Variants in SUCLG2 observed in about 807,000 individuals in gnomAD.
SUCLG2 encodes the protein succinate--CoA ligase [GDP-forming] subunit beta, mitochondrial.
Under a neutral mutation model 47.9 loss-of-function variants are expected in SUCLG2, and 42 were observed. The ratio of observed to expected loss-of-function variants is 0.88; its 90% CI spans 0.69 to 1.14. The LOEUF (loss-of-function observed/expected upper bound fraction) is 1.14. Among genes scored for constraint, SUCLG2 ranks in the 50% most tolerant of loss-of-function variants. The pLI, the probability that SUCLG2 is intolerant of heterozygous loss-of-function variation, is 0.00. For synonymous variants in SUCLG2, 195 were observed against 197.3 expected, an observed-to-expected ratio of 0.99 and a Z score of 0.10; for missense variants, 571 against 525.9, an observed-to-expected ratio of 1.09 and a Z score of -0.84.
intron 9 of SUCLG2, among the ~76,000 whole-genome samples, chr3:67,438,154 C>G (rs1703669669): frequency 1.3e-5 from 2 of 152,136 alleles, no homozygotes; most frequent in Non-Finnish European, 2.9e-5. Flanking sequence ...GAAATTAAGG[C>G]AGAAATAAAT....
At chr3:67,420,040 A>C (rs1703120505) in intron 9 of SUCLG2, among the ~76,000 whole-genome samples, 1 of 152,242 alleles carries the variant, frequency 6.6e-6, no homozygotes, top group South Asian at 2.1e-4. Context: ...TGATATGGGC[A>C]GCAGCACCCA....
At chr3:67,521,298 C>T (rs766380791) in intron 4 of SUCLG2, among the ~76,000 whole-genome samples, 5 of 152,134 alleles carry the variant, frequency 3.3e-5, no homozygotes, top group Admixed American at 6.5e-5. Flanking sequence ...CAGGAACCTC[C>T]GTGATAACTA....
intron 9 of SUCLG2, among the ~76,000 whole-genome samples, chr3:67,420,455 A>G (rs1475193525): frequency 1.3e-5 from 2 of 152,252 alleles, no homozygotes; most frequent in Non-Finnish European, 2.9e-5. Context: ...TAAGGGAAAG[A>G]ATGAAAAACA....
At chr3:67,592,757 T>C (rs116583110) in intron 2 of SUCLG2, among the ~76,000 whole-genome samples, 1 of 133,550 alleles carries the variant, frequency 7.5e-6, no homozygotes, top group Admixed American at 7.3e-5. Flanking sequence ...AAACTGAATA[T>C]CAAAGCCACA....
intron 7 of SUCLG2, among the ~76,000 whole-genome samples, chr3:67,504,564 A>T (rs768027354): frequency 1.5e-4 from 23 of 152,172 alleles, no homozygotes; most frequent in African/African-American, 5.3e-4. Flanking sequence ...AAGAATTCTT[A>T]ATCTCTAGAC....
At chr3:67,446,417 ATTTT>A (rs750956324) in intron 9 of SUCLG2, among the ~76,000 whole-genome samples, 364 of 32,084 alleles carry the variant, frequency 0.011, 7 homozygotes, top group Non-Finnish European at 0.014. Flanking sequence ...ACATATGTAC[ATTTT>A]TTTTTTTTTT....
chr3:67,545,055 C>G (rs936271681), intron 2 of SUCLG2, among the ~76,000 whole-genome samples: 4 of 152,080 alleles, frequency 2.6e-5, no homozygotes, highest in African/African-American at 9.7e-5. Flanking sequence ...GATAAAACAG[C>G]CCCCAGCCAG....
chr3:67,408,612 G>A (rs1575676569), intron 9 of SUCLG2: 1 of 1,006,336 alleles, frequency 9.9e-7, no homozygotes, highest in Non-Finnish European at 1.2e-6. Context: ...AGGGAAATGG[G>A]TCTAATTAGA....
intron 9 of SUCLG2, among the ~76,000 whole-genome samples, chr3:67,457,978 T>C (rs370673001): frequency 6.6e-6 from 1 of 152,166 alleles, no homozygotes; most frequent in Non-Finnish European, 1.5e-5. Flanking sequence ...GGCCAATGCC[T>C]TGAGAAGGCT....
In SUCLG2 at chr3:67,565,497, T is replaced by C. The variant is rs1436542843; in HGVS notation, c.227-36311A>G. On this transcript the variant is annotated intron_variant, in intron 2 of 10. Transcript: ENST00000307227. ...AAAAATTAAAAACTAACCTATTTCA[T>C]TGGCCACTGGCTTAAGTACAAACTG... 3.3e-5 allele frequency among the ~76,000 whole-genome samples: 5 copies of C among 152,208 alleles called. No homozygotes were observed. The East Asian group carries it at 5.8e-4, about 18-fold the overall frequency.
rs975150904 is a variant in SUCLG2 at position 67,495,845 on chromosome 3, C to G, written c.1015G>C (p.Glu339Gln). The change falls in exon 9 of 11, where the codon GAA becomes CAA. Residue 339 changes from glutamate to glutamine, a missense_variant. Physicochemically the swap from Glu to Gln is conservative, Grantham distance 29. Transcript: ENST00000307227. Reference sequence around the variant, plus strand: ...TTGAATGCTTGATATACTTGAGCTTCCTTTACACCACCTCCAAGATCCAAG... The same window carrying G: ...TTGAATGCTTGATATACTTGAGCTTGCTTTACACCACCTCCAAGATCCAAG... ...NFLDLGGGVK[E>Q]AQVYQAFKLL... is the part of the protein sequence containing the mutation. The G allele has an allele frequency of 5.0e-6, 8 of 1,613,930 alleles. No individual in the cohort carries two copies. Among genetic ancestry groups the G allele is most frequent in the Non-Finnish European group, 6.8e-6 (8 of 1,179,978 alleles).
intron 9 of SUCLG2, among the ~76,000 whole-genome samples, chr3:67,433,886 G>A (rs1247489175): frequency 6.6e-6 from 1 of 151,460 alleles, no homozygotes; most frequent in Non-Finnish European, 1.5e-5. Context: ...CTTTTTAACT[G>A]TTTTCTTGCT....
At chr3:67,511,243 A>G (rs147070177) in intron 6 of SUCLG2, among the ~76,000 whole-genome samples, 187 of 152,320 alleles carry the variant, frequency 1.2e-3, no homozygotes, top group Admixed American at 2.2e-3. Context: ...AGTGAAAATT[A>G]TCAGAGACAC....
intron 2 of SUCLG2, among the ~76,000 whole-genome samples, chr3:67,553,538 A>G (rs1707073217): frequency 6.6e-6 from 1 of 152,204 alleles, no homozygotes; most frequent in Non-Finnish European, 1.5e-5. Context: ...TTAAGTAATC[A>G]GTATCATTTA....
At chr3:67,422,348 G>A (rs1388781750) in intron 9 of SUCLG2, among the ~76,000 whole-genome samples, 4 of 150,986 alleles carry the variant, frequency 2.6e-5, no homozygotes, top group African/African-American at 4.9e-5. Context: ...GGTGGTGTGC[G>A]CCTGTAGCCC....
At chr3:67,395,723 T>G (rs1702508961) in intron 10 of SUCLG2, among the ~76,000 whole-genome samples, 1 of 152,202 alleles carries the variant, frequency 6.6e-6, no homozygotes, top group Admixed American at 6.5e-5. Flanking sequence ...TATACATTTT[T>G]TTCAGCACCA....
At chr3:67,435,283 A>C (rs536563038) in intron 9 of SUCLG2, among the ~76,000 whole-genome samples, 1 of 152,340 alleles carries the variant, frequency 6.6e-6, no homozygotes, top group South Asian at 2.1e-4. Flanking sequence ...TGAACAAAAC[A>C]TAGGAAGAAT....
At chr3:67,531,888 C>T (rs752297453) in intron 2 of SUCLG2, among the ~76,000 whole-genome samples, 2 of 152,060 alleles carry the variant, frequency 1.3e-5, no homozygotes, top group Non-Finnish European at 2.9e-5. Flanking sequence ...TCAGTATTTA[C>T]CAAATTGATT....
intron 2 of SUCLG2, among the ~76,000 whole-genome samples, chr3:67,587,746 A>C (rs1708061681): frequency 6.6e-6 from 1 of 152,228 alleles, no homozygotes; most frequent in Non-Finnish European, 1.5e-5. Context: ...ACGACTGTCA[A>C]ATGTGTCACC....
Sources: allele counts gnomAD v4.1 joint callset (sites outside exome capture counted in the v4.1 genomes callset), GRCh38; gene constraint gnomAD v4.1.1; transcripts MANE v1.5; gene names NCBI Gene and HGNC (gene_info 2026-07-23, HGNC 2026-07-21).